Variants in IGF2R observed in about 807,000 individuals in gnomAD.
IGF2R encodes the protein insulin like growth factor 2 receptor.
Under a neutral mutation model 270.6 loss-of-function variants are expected in IGF2R, and 91 were observed. The ratio of observed to expected loss-of-function variants is 0.34; its 90% CI spans 0.28 to 0.40. The LOEUF (loss-of-function observed/expected upper bound fraction) is 0.40. Among genes scored for constraint, IGF2R ranks in the 10% least tolerant of loss-of-function variants. The pLI, the probability that IGF2R is intolerant of heterozygous loss-of-function variation, is 1.00. For synonymous variants in IGF2R, 1,316 were observed against 1,258.9 expected (o/e 1.05, Z -0.96); for missense variants, 2,805 against 3,188.3 (o/e 0.88, Z 2.90).
intron 28 of IGF2R, 113 bp from the exon 29 acceptor site, chr6:160,064,688 TTAG>T: frequency 9.3e-7 from 1 of 1,080,150 alleles, no homozygotes; most frequent in Admixed American, 2.0e-5. Context: ...CTTTCATCAG[TTAG>T]TATTGATTTT....
rs1778086370 is a variant in IGF2R, at chr6:160,047,172, T to G, written c.2065T>G (p.Trp689Gly). 2 of 1,614,114 alleles carry G rather than the reference T, an allele frequency of 1.2e-6. No homozygotes were observed. The highest frequency in any genetic ancestry group is 1.1e-5 in the South Asian group (1 of 91,084). Residue 689 changes from tryptophan to glycine, a missense_variant, in exon 16 of 48, where the codon TGG (tryptophan) becomes GGG (glycine). Trp to Gly is a radical substitution (Grantham distance 184). Coordinates refer to ENST00000356956, the MANE Select transcript of IGF2R (RefSeq NM_000876.4). ...TGTTTATTTCAGTGATGAGAAGACT[T>G]GGAACTTGGGTCTGAGTAATGCGAA... The part of the protein sequence containing the change: ...CQVAKSDEKT[W>G]NLGLSNAKLS...
At position 160,106,579 on chromosome 6, in the gene IGF2R, G is replaced by A. The variant is rs1323139510; in HGVS notation, c.*1495G>A. 2.0e-5 allele frequency: 3 copies of A among 151,782 alleles called. No homozygotes were observed. The East Asian group carries it at 5.8e-4, about 29-fold the overall frequency. The allele number at this position is 151,782 out of a possible 1,614,324, so 9.4% of individuals were successfully genotyped here. On this transcript the variant is annotated 3_prime_UTR_variant, in exon 48 of 48. Transcript: ENST00000356956. Reference sequence around the variant, plus strand: ...GGGTGTTACCATTTTTTCCTTGATAGTGAGACGTTCCCGAGCGAGTTACCC... The same window carrying A: ...GGGTGTTACCATTTTTTCCTTGATAATGAGACGTTCCCGAGCGAGTTACCC...
chr6:160,111,483 A>G lies in IGF2R; in HGVS notation c.*6399A>G, dbSNP rs553953243. ...GTATTTTATTGTAAGAATACAGTAT[A>G]TAATACATACAACATCGAAAATATG... On this transcript the variant is annotated 3_prime_UTR_variant, in exon 48 of 48. Transcript: ENST00000356956. 1 of 152,348 alleles carries G rather than the reference A, an allele frequency of 6.6e-6. No homozygotes were observed. The highest frequency in any genetic ancestry group is 6.5e-5 in the Admixed American group (1 of 15,300). The allele number at this position is 152,348 out of a possible 1,614,324, so 9.4% of individuals were successfully genotyped here. A position where few individuals can be genotyped will look rare whatever the true frequency, so the allele number is the denominator to read the frequency against.
intron 42 of IGF2R, 33 bp downstream of exon 42, chr6:160,088,180 G>A (rs748761249): frequency 3.8e-6 from 5 of 1,320,740 alleles, no homozygotes; most frequent in East Asian, 2.3e-5. Context: ...GCGGGACTGT[G>A]CAGTGAGCAT....
At chr6:160,023,159 G>A (rs576361886) in intron 4 of IGF2R, among the ~76,000 whole-genome samples, 30 of 152,146 alleles carry the variant, frequency 2.0e-4, no homozygotes, top group Admixed American at 5.2e-4. Flanking sequence ...AGATACTATT[G>A]CAGGCAAGAG....
At chr6:160,008,816 A>T (rs1784287026) in intron 2 of IGF2R, among the ~76,000 whole-genome samples, 194 bp from the exon 3 acceptor site, 1 of 152,196 alleles carries the variant, frequency 6.6e-6, no homozygotes, top group African/African-American at 2.4e-5. Context: ...TGCAGCAGAC[A>T]AGGTAAAGAT....
At chr6:159,995,645 C>T (rs1286446561) in intron 2 of IGF2R, among the ~76,000 whole-genome samples, 2 of 152,050 alleles carry the variant, frequency 1.3e-5, no homozygotes, top group South Asian at 2.1e-4. Context: ...TTTGTAATTC[C>T]TACAATGAAT....
intron 29 of IGF2R, among the ~76,000 whole-genome samples, chr6:160,065,814 G>GTGTATATATATATATATATATATA: frequency 3.8e-5 from 3 of 78,386 alleles, no homozygotes; most frequent in Non-Finnish European, 4.7e-5. Context: ...GTGTGTGTGT[G>GTGTATATATATATATATATATATA]TATATATATA....
chr6:160,068,598 G>T lies in IGF2R; in HGVS notation c.4252+213G>T, dbSNP rs191848027. On this transcript the variant is annotated intron_variant, in intron 30 of 47. Coordinates refer to ENST00000356956, the MANE Select transcript of IGF2R (RefSeq NM_000876.4). ...AGGTCCTCCTCGTGGGGTGGTGGTT[G>T]TAGTGAGTGTATCGAAGGCTGGCAC... is the stretch of plus-strand genomic sequence containing the variant. Among the ~76,000 whole-genome samples the T allele has an allele frequency of 9.9e-5, 15 of 151,518 alleles. No individual in the cohort carries two copies. The East Asian group carries it at 2.9e-3, about 29-fold the overall frequency.
intron 2 of IGF2R, among the ~76,000 whole-genome samples, chr6:159,994,428 TG>T (rs566445558): frequency 1.6e-4 from 24 of 151,774 alleles, no homozygotes; most frequent in African/African-American, 4.8e-4. Flanking sequence ...TTGCATTTTT[TG>T]GGGGGGGTCT....
chr6:160,015,678 G>T (rs1777274437), intron 4 of IGF2R, among the ~76,000 whole-genome samples: 1 of 152,198 alleles, frequency 6.6e-6, no homozygotes. Context: ...TTCACCATCT[G>T]AGCACAGACC....
At chr6:159,990,147 C>A (rs1158794499) in intron 1 of IGF2R, among the ~76,000 whole-genome samples, 1 of 152,102 alleles carries the variant, frequency 6.6e-6, no homozygotes, top group Non-Finnish European at 1.5e-5. Flanking sequence ...TTAAAAAATC[C>A]TTTGGCTTTT....
At position 160,106,119 on chromosome 6, in the gene IGF2R, A is replaced by G. The variant is rs1192937398; in HGVS notation, c.*1035A>G. On this transcript the variant is annotated 3_prime_UTR_variant, in exon 48 of 48. Coordinates refer to ENST00000356956, the MANE Select transcript of IGF2R (RefSeq NM_000876.4). ...ACAGTGTGTGACTTACAGAAACTGC[A>G]TGAAAAATCATGGGCCAGAGCCTCG... is the stretch of plus-strand genomic sequence containing the variant. The G allele has an allele frequency of 2.0e-5, 3 of 152,664 alleles. No individual in the cohort carries two copies. The highest frequency in any genetic ancestry group is 2.9e-5 in the Non-Finnish European group (2 of 68,074). 9.5% of individuals were successfully genotyped at this position (152,664 alleles called of 1,614,324 possible).
chr6:159,982,507 G>A (rs1022369887), intron 1 of IGF2R, among the ~76,000 whole-genome samples: 1 of 152,196 alleles, frequency 6.6e-6, no homozygotes, highest in Non-Finnish European at 1.5e-5. Flanking sequence ...TCTAGCTAGT[G>A]ACCATGTATC....
intron 12 of IGF2R, among the ~76,000 whole-genome samples, chr6:160,043,810 T>C (rs929175810): frequency 1.3e-5 from 2 of 152,248 alleles, no homozygotes; most frequent in Non-Finnish European, 2.9e-5. Context: ...TTGTCATTTA[T>C]GACTCACTTT....
chr6:160,069,948 C>T lies in IGF2R; in HGVS notation c.4333C>T (p.Gln1445Ter). 1.2e-6 allele frequency: 2 copies of T among 1,614,216 alleles called. No individual in the cohort carries two copies. Among genetic ancestry groups the T allele is most frequent in the Non-Finnish European group, 1.7e-6 (2 of 1,180,036 alleles). ...CCTCGGCAGGGTAAGGGACGGACCTCAGTGGAGAGATGGCATAATTGTCCT... is the reference window on the plus strand; with the variant it reads ...CCTCGGCAGGGTAAGGGACGGACCTTAGTGGAGAGATGGCATAATTGTCCT... ...VNLGRVRDGPQWRDGIIVLKY... is the reference protein window; with the variant it reads ...VNLGRVRDGP Residue 1445 changes from glutamine to a stop codon, truncating the protein, a stop_gained, in exon 31 of 48, where the codon CAG becomes TAG. Transcript: ENST00000356956. LOFTEE classifies it high-confidence loss of function.
At chr6:160,098,637 G>A (rs947323311) in intron 45 of IGF2R, among the ~76,000 whole-genome samples, 4 of 152,138 alleles carry the variant, frequency 2.6e-5, no homozygotes, top group Non-Finnish European at 4.4e-5. Flanking sequence ...TGGGCAACAT[G>A]GTGAAACCCC....
chr6:160,024,525 G>C (rs1777510459), intron 4 of IGF2R, 47 bp from the exon 5 acceptor site: 1 of 1,594,936 alleles, frequency 6.3e-7, no homozygotes, highest in African/African-American at 1.3e-5. Flanking sequence ...TTTTCTGATT[G>C]ACCAAGATGT....
At chr6:160,063,033 G>A (rs909020503) in intron 26 of IGF2R, among the ~76,000 whole-genome samples, 2 of 145,028 alleles carry the variant, frequency 1.4e-5, no homozygotes, top group Non-Finnish European at 3.1e-5. Context: ...ACCAAAAATT[G>A]TAAAAGTTTT....
Sources: allele counts gnomAD v4.1 joint callset (sites outside exome capture counted in the v4.1 genomes callset), GRCh38; gene constraint gnomAD v4.1.1; transcripts MANE v1.5; gene names NCBI Gene and HGNC (gene_info 2026-07-23, HGNC 2026-07-21).